AOAH: variants seen among roughly 807,000 people sequenced by gnomAD.
AOAH encodes the protein acyloxyacyl hydrolase (neutrophil).
AOAH carries 64 observed loss-of-function variants against 92.2 expected under a neutral mutation model. That is an observed-to-expected ratio of 0.69 (90% CI 0.57 to 0.86). The LOEUF (loss-of-function observed/expected upper bound fraction) is 0.86. Ranked by LOEUF, AOAH falls within the 40% of genes least tolerant of loss-of-function variation. AOAH has a pLI of 0.00. For synonymous variants in AOAH, 263 were observed against 254.5 expected, an observed-to-expected ratio of 1.03 and a Z score of -0.32; for missense variants, 656 against 694.6, an observed-to-expected ratio of 0.94 and a Z score of 0.62.
chr7:36,578,802 C>A (rs1171290316), intron 12 of AOAH, among the ~76,000 whole-genome samples: 1 of 152,090 alleles, frequency 6.6e-6, no homozygotes, highest in Non-Finnish European at 1.5e-5. Context: ...AAGTATTTAT[C>A]ATTGTATTAG....
chr7:36,655,094 A>G (rs1449468153), intron 4 of AOAH, among the ~76,000 whole-genome samples: 2 of 152,228 alleles, frequency 1.3e-5, no homozygotes, highest in South Asian at 2.1e-4. Flanking sequence ...AAAGACAGAC[A>G]GGCAAGGTAC....
intron 19 of AOAH, among the ~76,000 whole-genome samples, chr7:36,523,235 GCAT>G (rs1255789612): frequency 6.6e-6 from 1 of 152,202 alleles, no homozygotes; most frequent in Non-Finnish European, 1.5e-5. Context: ...CTGAGACACA[GCAT>G]CATATTATGC....
At chr7:36,520,654 G>T (rs1172849454) in intron 20 of AOAH, among the ~76,000 whole-genome samples, 1 of 151,528 alleles carries the variant, frequency 6.6e-6, no homozygotes, top group Non-Finnish European at 1.5e-5. Context: ...GCGGTGAGCG[G>T]AGATCACACC....
intron 12 of AOAH, among the ~76,000 whole-genome samples, chr7:36,577,774 C>T (rs1272387680): frequency 1.3e-5 from 2 of 152,120 alleles, no homozygotes; most frequent in Non-Finnish European, 2.9e-5. Context: ...TGAAATAAGA[C>T]CAGATGTAAA....
rs1799826812 is a variant in AOAH at position 36,724,129 on chromosome 7, A to G, written c.20T>C (p.Ile7Thr). 1.2e-6 allele frequency: 2 copies of G among 1,613,304 alleles called. No individual in the cohort carries two copies. The highest frequency in any genetic ancestry group is 1.7e-6 in the Non-Finnish European group (2 of 1,179,526). ...CAAGAATAGAGGCGCCACCGTAAGG[A>G]TTTTCCAGGGGGACTGCATCTCCGA... MQSPWK[I>T]LTVAPLFLLL... is the part of the protein sequence containing the mutation. The change falls in exon 1 of 21, where the codon ATC becomes ACC. Residue 7 changes from isoleucine (I) to threonine (T), a missense_variant. Transcript: ENST00000617537.
At chr7:36,607,366 T>C (rs1216151284) in intron 11 of AOAH, among the ~76,000 whole-genome samples, 1 of 152,178 alleles carries the variant, frequency 6.6e-6, no homozygotes, top group Non-Finnish European at 1.5e-5. Flanking sequence ...GAACGAAACA[T>C]GTCTGGGCTT....
intron 16 of AOAH, among the ~76,000 whole-genome samples, chr7:36,533,249 T>C (rs1293696613): frequency 2.6e-5 from 4 of 151,994 alleles, no homozygotes; most frequent in Admixed American, 6.6e-5. Flanking sequence ...CGGGGGTGAA[T>C]GACTGACACT....
chr7:36,599,193 C>T (rs1174020294), intron 11 of AOAH, among the ~76,000 whole-genome samples: 1 of 152,160 alleles, frequency 6.6e-6, no homozygotes, highest in Admixed American at 6.5e-5. Flanking sequence ...TATTTCCATG[C>T]ATCGAGAAAG....
chr7:36,525,315 A>C (rs1036951112), intron 19 of AOAH, among the ~76,000 whole-genome samples: 1 of 152,380 alleles, frequency 6.6e-6, no homozygotes, highest in Non-Finnish European at 1.5e-5. Flanking sequence ...AGGGAAACAC[A>C]GTTTAAACAA....
intron 20 of AOAH, chr7:36,514,671 T>C: frequency 1.0e-6 from 1 of 958,062 alleles, no homozygotes; most frequent in Non-Finnish European, 1.6e-6. Flanking sequence ...ACAGTGGTTT[T>C]CAATGCTGAG....
chr7:36,703,145 T>C (rs1584153013), intron 1 of AOAH, among the ~76,000 whole-genome samples: 2 of 152,256 alleles, frequency 1.3e-5, no homozygotes, highest in African/African-American at 2.4e-5. Flanking sequence ...CTAATTCAAG[T>C]TCTCTTGCCA....
At chr7:36,651,831 C>A (rs1794594554) in intron 4 of AOAH, among the ~76,000 whole-genome samples, 1 of 152,104 alleles carries the variant, frequency 6.6e-6, no homozygotes, top group Non-Finnish European at 1.5e-5. Flanking sequence ...TAGAGTTTGA[C>A]CTGTGATACT....
intron 1 of AOAH, among the ~76,000 whole-genome samples, chr7:36,708,756 T>C (rs1040505847): frequency 1.3e-5 from 2 of 152,186 alleles, no homozygotes; most frequent in Non-Finnish European, 1.5e-5. Flanking sequence ...CCCCGGAATG[T>C]AGAGTTTTTT....
chr7:36,697,696 C>T (rs953203655), intron 1 of AOAH, among the ~76,000 whole-genome samples: 2 of 152,114 alleles, frequency 1.3e-5, no homozygotes, highest in Non-Finnish European at 2.9e-5. Flanking sequence ...AAAATTCATG[C>T]CCTTCCTGGG....
chr7:36,541,191 T>C (rs769794384), intron 15 of AOAH, among the ~76,000 whole-genome samples: 4 of 152,242 alleles, frequency 2.6e-5, no homozygotes, highest in African/African-American at 9.6e-5. Context: ...CTGATGGATT[T>C]CTATTCCAGG....
At chr7:36,672,888 CAT>C (rs1796013964) in intron 3 of AOAH, among the ~76,000 whole-genome samples, 1 of 151,830 alleles carries the variant, frequency 6.6e-6, no homozygotes. Flanking sequence ...TTTATAATAA[CAT>C]GTATTATATG....
chr7:36,691,396 C>T (rs1480958823), intron 1 of AOAH, among the ~76,000 whole-genome samples: 1 of 152,178 alleles, frequency 6.6e-6, no homozygotes, highest in Non-Finnish European at 1.5e-5. Context: ...CCCTAAGATG[C>T]TAGTTACTCA....
At chr7:36,610,344 G>A (rs1392238008) in intron 11 of AOAH, among the ~76,000 whole-genome samples, 1 of 151,790 alleles carries the variant, frequency 6.6e-6, no homozygotes, top group African/African-American at 2.4e-5. Flanking sequence ...TTGCAAACTT[G>A]CTCTTCTTGT....
intron 12 of AOAH, among the ~76,000 whole-genome samples, chr7:36,587,271 CAAA>C (rs57475443): frequency 2.7e-4 from 23 of 84,908 alleles, no homozygotes; most frequent in East Asian, 2.7e-3. Flanking sequence ...GACTCCGTCT[CAAA>C]AAAAAAAAAA....
Sources: gnomAD v4.1 joint callset for allele counts (sites outside exome capture counted in the v4.1 genomes callset) on GRCh38, gnomAD v4.1.1 for gene constraint, MANE v1.5 for transcripts, NCBI Gene and HGNC (gene_info 2026-07-23, HGNC 2026-07-21) for gene names.